Variants in MYO3A observed in about 807,000 individuals in gnomAD.
The protein encoded by MYO3A is myosin-IIIa.
In MYO3A, 180 loss-of-function variants were observed where a neutral mutation model predicts 192.7. That is an observed-to-expected ratio of 0.93 (90% CI 0.83 to 1.06). The LOEUF is 1.06. MYO3A is among the 50% of genes least tolerant of loss of function. The pLI, the probability that MYO3A is intolerant of heterozygous loss-of-function variation, is 0.00. For synonymous variants in MYO3A, 628 were observed against 645.3 expected (o/e 0.97, Z 0.41); for missense variants, 1,896 against 1,905.0 (o/e 1.00, Z 0.09).
chr10:25,967,425 A>G (rs1386777739), intron 4 of MYO3A, among the ~76,000 whole-genome samples: 3 of 152,230 alleles, frequency 2.0e-5, no homozygotes, highest in Non-Finnish European at 1.5e-5. Context: ...TAGCCCTAGA[A>G]TAAGAGCTAC....
chr10:26,159,009 A>AT (rs200816614), intron 26 of MYO3A, among the ~76,000 whole-genome samples: 12,842 of 143,874 alleles, frequency 0.089, 771 homozygotes, highest in East Asian at 0.31. Context: ...ATTTCTGCTA[A>AT]TTTTTTTTTT....
intron 14 of MYO3A, among the ~76,000 whole-genome samples, chr10:26,086,398 G>A (rs1003248658): frequency 1.3e-5 from 2 of 152,138 alleles, no homozygotes; most frequent in South Asian, 2.1e-4. Flanking sequence ...TTTGGGTGGG[G>A]ACACAGAGCC....
chr10:25,949,136 A>G (rs1402277279), intron 2 of MYO3A, among the ~76,000 whole-genome samples: 1 of 151,978 alleles, frequency 6.6e-6, no homozygotes, highest in African/African-American at 2.4e-5. Context: ...ATTATTTATC[A>G]CTTTTTATAA....
chr10:25,954,848 C>A (rs769326374), intron 3 of MYO3A, 26 bp from the exon 4 acceptor site: 6 of 1,605,470 alleles, frequency 3.7e-6, no homozygotes, highest in South Asian at 2.2e-5. Context: ...TCTCACAGTT[C>A]TATTCTTATG....
At chr10:26,199,427 A>T (rs1359527395) in intron 32 of MYO3A, among the ~76,000 whole-genome samples, 1 of 151,906 alleles carries the variant, frequency 6.6e-6, no homozygotes, top group Non-Finnish European at 1.5e-5. Flanking sequence ...ATGGGTCATG[A>T]CTATAGTCCC....
intron 14 of MYO3A, among the ~76,000 whole-genome samples, chr10:26,078,130 C>CTTTTTTTTTTTTTTTTTTTTTTTT (rs57336459): frequency 1.6e-5 from 2 of 122,296 alleles, no homozygotes; most frequent in African/African-American, 3.1e-5. Flanking sequence ...TGGTCCTGGA[C>CTTTTTTTTTTTTTTTTTTTTTTTT]TTTTTTTTTT....
chr10:26,163,502 C>T (rs1841583062), intron 26 of MYO3A, among the ~76,000 whole-genome samples: 1 of 152,178 alleles, frequency 6.6e-6, no homozygotes, highest in Non-Finnish European at 1.5e-5. Flanking sequence ...GTAATGGCAG[C>T]AGGCATAGCG....
intron 10 of MYO3A, among the ~76,000 whole-genome samples, chr10:26,049,610 C>T (rs113597462): frequency 2.0e-5 from 3 of 151,132 alleles, no homozygotes; most frequent in African/African-American, 7.3e-5. Flanking sequence ...GTTTCTTTTC[C>T]ATTAGAACCA....
At chr10:26,188,860 T>C (rs183639295) in intron 31 of MYO3A, among the ~76,000 whole-genome samples, 4 of 152,342 alleles carry the variant, frequency 2.6e-5, no homozygotes, top group African/African-American at 7.2e-5. Context: ...TCTGTTTTGG[T>C]ATCAGTACCA....
At chr10:26,063,843 G>T (rs149537837) in intron 10 of MYO3A, among the ~76,000 whole-genome samples, 1 of 152,286 alleles carries the variant, frequency 6.6e-6, no homozygotes, top group South Asian at 2.1e-4. Context: ...GTGTAAAAGC[G>T]TATTTTCTGG....
chr10:25,971,401 T>A (rs564346553), intron 4 of MYO3A, among the ~76,000 whole-genome samples: 4 of 152,336 alleles, frequency 2.6e-5, no homozygotes, highest in Non-Finnish European at 5.9e-5. Context: ...TTACAGTATA[T>A]CTTCATTTTT....
At chr10:26,156,322 A>C (rs918292006) in intron 25 of MYO3A, among the ~76,000 whole-genome samples, 2 of 152,214 alleles carry the variant, frequency 1.3e-5, no homozygotes, top group Non-Finnish European at 2.9e-5. Flanking sequence ...TTCCAACACT[A>C]AACGGGATCC....
At position 26,212,145 on chromosome 10, in the gene MYO3A, A is replaced by G. The variant is rs1844248909; in HGVS notation, c.*182A>G. 3 of 903,054 alleles carry G rather than the reference A, an allele frequency of 3.3e-6. No individual in the cohort carries two copies. The highest frequency in any genetic ancestry group is 2.7e-5 in the East Asian group (1 of 36,504). The allele number at this position is 903,054 out of a possible 1,614,324, so 55.9% of individuals were successfully genotyped here. On this transcript the variant is annotated 3_prime_UTR_variant, in exon 35 of 35. Transcript: ENST00000642920. ...GCCGGCCTTCGTGCTCCGAAACAAG[A>G]GACCTGGGAGCCCTCGGGAAACCTC...
Position 26,003,975 on chromosome 10 carries a change from A to C in MYO3A, c.508+6717A>C, listed in dbSNP as rs367887831. Among the ~76,000 whole-genome samples, 3 of 152,182 alleles carry C rather than the reference A, an allele frequency of 2.0e-5. No homozygotes were observed. In the South Asian group the frequency reaches 6.2e-4, roughly 31 times the overall value. On this transcript the variant is annotated intron_variant, in intron 6 of 34. Transcript: ENST00000642920. ...GTTTATTAATAACCCACTTTTTAGC[A>C]CCAAGTGAGGCAGTACACCCGAACT...
intron 31 of MYO3A, among the ~76,000 whole-genome samples, chr10:26,190,124 A>T (rs1589107553): frequency 6.6e-6 from 1 of 152,314 alleles, no homozygotes; most frequent in East Asian, 1.9e-4. Flanking sequence ...TTTGTGAGAT[A>T]AAGCATAGAA....
chr10:26,065,603 A>ACAT (rs1564513163), intron 10 of MYO3A, among the ~76,000 whole-genome samples: 1 of 65,054 alleles, frequency 1.5e-5, no homozygotes, highest in Non-Finnish European at 4.1e-5. Context: ...AAAAAAAAAA[A>ACAT]AAAAAAAAAA....
intron 15 of MYO3A, among the ~76,000 whole-genome samples, chr10:26,089,633 A>G (rs1836571500): frequency 6.6e-6 from 1 of 152,044 alleles, no homozygotes; most frequent in South Asian, 2.1e-4. Context: ...TGATTATTAA[A>G]CACATATGGC....
intron 6 of MYO3A, among the ~76,000 whole-genome samples, chr10:26,005,215 A>C (rs1386114479): frequency 6.6e-6 from 1 of 152,184 alleles, no homozygotes; most frequent in Admixed American, 6.5e-5. Context: ...AGACCTCAGC[A>C]TCACTTCTGT....
Position 26,174,109 on chromosome 10 carries a change from A to T in MYO3A, c.3845A>T (p.Lys1282Ile), listed in dbSNP as rs750776685. Residue 1282 changes from lysine to isoleucine, a missense_variant, in exon 30 of 35, where the codon AAA becomes ATA. Coordinates refer to ENST00000642920, the MANE Select transcript of MYO3A (RefSeq NM_017433.5). ...TTAGCTGAAAATGAGACTTCCTTTA[A>T]AAAAACTTTGGAACCTACACTTAGC... The part of the protein sequence containing the change: ...PWLAENETSF[K>I]KTLEPTLSQR... 6.2e-7 allele frequency: 1 copy of T among 1,614,214 alleles called. No individual in the cohort carries two copies. Among genetic ancestry groups the T allele is most frequent in the South Asian group, 1.1e-5 (1 of 91,080 alleles).
Sources: allele counts gnomAD v4.1 joint callset (sites outside exome capture counted in the v4.1 genomes callset), GRCh38; gene constraint gnomAD v4.1.1; transcripts MANE v1.5; gene names NCBI Gene and HGNC (gene_info 2026-07-23, HGNC 2026-07-21).